The following MOCS1 variants were observed in gnomAD, a reference collection of about 807,000 sequenced individuals.
MOCS1 encodes the protein molybdenum cofactor biosynthesis protein 1.
MOCS1 carries 39 observed loss-of-function variants against 57.6 expected under a neutral mutation model. That is an observed-to-expected ratio of 0.68 (90% CI 0.52 to 0.88). MOCS1 has a LOEUF of 0.88. Among genes scored for constraint, MOCS1 ranks in the 40% least tolerant of loss-of-function variants. The pLI is 0.00. For missense variants in MOCS1, 795 were observed against 831.1 expected (o/e 0.96, Z 0.53); for synonymous variants, 334 against 335.7 (o/e 1.00, Z 0.05).
intron 1 of MOCS1, 106 bp downstream of exon 1, chr6:39,934,189 C>G: frequency 7.1e-7 from 1 of 1,403,308 alleles, no homozygotes; most frequent in African/African-American, 1.5e-5. Flanking sequence ...CGGGTCCCTC[C>G]CAGAAGCGGT....
At position 39,934,295 on chromosome 6, in the gene MOCS1, C is replaced by T; in HGVS notation, c.123G>A (p.Glu41=). 6.5e-7 allele frequency: 1 copy of T among 1,543,834 alleles called. No homozygotes were observed. Among genetic ancestry groups the T allele is most frequent in the Non-Finnish European group, 8.7e-7 (1 of 1,149,984 alleles). ...CPGESARAAS[E]EVSRRRQFLR... ...GTGGACGCAGGCGGGGTGGGCTCAC[C>T]TCCGAGGCAGCTCGCGCGGACTCCC... The change falls in exon 1 of 11, where the codon GAG becomes GAA. Residue 41 remains glutamate, a splice_region_variant and synonymous_variant. Transcript: ENST00000340692.
In MOCS1 at chr6:39,913,988, G is replaced by A. The variant is rs552562807; in HGVS notation, c.584-153C>T. On this transcript the variant is annotated intron_variant, in intron 4 of 10. Coordinates refer to ENST00000340692, the MANE Select transcript of MOCS1 (RefSeq NM_001358530.2). ...ATATCGTAGGCTTTGCAAGCCAAGA[G>A]GCAAAATTGAGGATCCGTGTAAGTA... Among the ~76,000 whole-genome samples the A allele has an allele frequency of 2.0e-5, 3 of 152,330 alleles. No individual in the cohort carries two copies. In the South Asian group the frequency reaches 6.2e-4, roughly 32 times the overall value.
intron 1 of MOCS1, among the ~76,000 whole-genome samples, chr6:39,931,699 C>G (rs777325640): frequency 1.9e-4 from 29 of 152,130 alleles, no homozygotes; most frequent in Non-Finnish European, 4.4e-5. Flanking sequence ...ACTCCTTCTA[C>G]CTTCACCCAC....
chr6:39,916,111 G>C lies in MOCS1; in HGVS notation c.540C>G (p.Asp180Glu). Reference protein sequence around the residue: ...AGLSAINISLDTLVPAKFEFI... With the variant: ...AGLSAINISLETLVPAKFEFI... The stretch of plus-strand genomic sequence containing the variant: ...ACTCAAACTTGGCAGGCACCAGGGT[G>C]TCCAGGCTGATGTTGATGGCACTGA... Residue 180 changes from aspartate (D) to glutamate (E), a missense_variant, in exon 4 of 11, where the codon GAC becomes GAG. Asp to Glu is a conservative substitution (Grantham distance 45). Around this residue, in one of 3 missense-constraint regions of MOCS1, gnomAD observed 416 missense variants for 392.4 expected, o/e 1.06. Coordinates refer to ENST00000340692, the MANE Select transcript of MOCS1 (RefSeq NM_001358530.2). 6.2e-7 allele frequency: 1 copy of C among 1,613,562 alleles called. No homozygotes were observed. The highest frequency in any genetic ancestry group is 1.1e-5 in the South Asian group (1 of 90,944).
intron 3 of MOCS1, among the ~76,000 whole-genome samples, chr6:39,922,134 C>T (rs1222892881): frequency 6.6e-6 from 1 of 152,134 alleles, no homozygotes; most frequent in Non-Finnish European, 1.5e-5. Context: ...TTTCACTGTC[C>T]AACACAGCAG....
intron 3 of MOCS1, among the ~76,000 whole-genome samples, chr6:39,918,986 C>T (rs1767816880): frequency 6.6e-6 from 1 of 152,210 alleles, no homozygotes. Context: ...CATGTAAGAA[C>T]TTAACAATCT....
chr6:39,907,228 G>A (rs1466540308), intron 10 of MOCS1, 111 bp from the exon 11 acceptor site: 14 of 1,155,740 alleles, frequency 1.2e-5, no homozygotes, highest in East Asian at 7.6e-5. Context: ...CTTTCATACC[G>A]GGGAAAGAGG....
In MOCS1 at chr6:39,927,296, C is replaced by G; in HGVS notation, c.250+33G>C. Reference sequence around the variant, plus strand: ...CAAGGGCTGCTTCAGCAGATGGACACCAGCCCAGAGAGGGCCCAGGAAGGT... The same window carrying G: ...CAAGGGCTGCTTCAGCAGATGGACAGCAGCCCAGAGAGGGCCCAGGAAGGT... On this transcript the variant is annotated intron_variant, in intron 2 of 10. Transcript: ENST00000340692. The G allele has an allele frequency of 1.9e-6, 3 of 1,606,288 alleles. No individual in the cohort carries two copies. In the South Asian group the frequency reaches 3.3e-5, roughly 18 times the overall value.
At chr6:39,922,864 G>A (rs1199394835) in intron 3 of MOCS1, among the ~76,000 whole-genome samples, 1 of 152,174 alleles carries the variant, frequency 6.6e-6, no homozygotes, top group Non-Finnish European at 1.5e-5. Context: ...GAGAGGGTAG[G>A]CACAAGTGTT....
intron 1 of MOCS1, among the ~76,000 whole-genome samples, chr6:39,929,502 C>A (rs1050001501): frequency 3.9e-5 from 6 of 152,068 alleles, no homozygotes; most frequent in Non-Finnish European, 7.4e-5. Flanking sequence ...AGATACCCCC[C>A]CTCAACCCAG....
At chr6:39,923,550 A>C (rs75828961) in intron 3 of MOCS1, among the ~76,000 whole-genome samples, 1,845 of 152,354 alleles carry the variant, frequency 0.012, 16 homozygotes, top group East Asian at 0.042. Context: ...CGCGGGTGCC[A>C]GGGAGAGGAA....
intron 6 of MOCS1, 146 bp from the exon 7 acceptor site, chr6:39,913,150 G>T: frequency 3.3e-6 from 3 of 901,546 alleles, no homozygotes; most frequent in Non-Finnish European, 5.6e-6. Flanking sequence ...GCCTAAAACT[G>T]GTGGATTGAA....
chr6:39,933,509 G>C (rs1482155974), intron 1 of MOCS1, among the ~76,000 whole-genome samples: 1 of 151,904 alleles, frequency 6.6e-6, no homozygotes, highest in African/African-American at 2.4e-5. Context: ...CTGGGAGACG[G>C]GGAAAAAAAC....
In MOCS1 at chr6:39,925,760, C is replaced by G; in HGVS notation, c.336G>C (p.Arg112=). 6.2e-7 allele frequency: 1 copy of G among 1,612,816 alleles called. No homozygotes were observed. Among genetic ancestry groups the G allele is most frequent in the African/African-American group, 1.3e-5 (1 of 75,042 alleles). ...LTTEEILTLA[R]LFVKEGIDKI... ...TGTCGATGCCTTCCTTCACAAAGAG[C>G]CGGGCGAGGGTCAGGATCTCCTCTG... The change falls in exon 3 of 11, where the codon CGG becomes CGC. Residue 112 remains arginine (R), a synonymous_variant. Transcript: ENST00000340692.
Position 39,905,016 on chromosome 6 carries a change from A to T in MOCS1, c.*1341T>A, listed in dbSNP as rs1766761624. ...AGCCATTTGACATACTGGTAGCTTG[A>T]AATTATTCAACATGGGAGTATTTAT... is the stretch of plus-strand genomic sequence containing the variant. On this transcript the variant is annotated 3_prime_UTR_variant, in exon 11 of 11. Coordinates refer to ENST00000340692, the MANE Select transcript of MOCS1 (RefSeq NM_001358530.2). The T allele has an allele frequency of 4.4e-6, 2 of 453,732 alleles. No individual in the cohort carries two copies. Among genetic ancestry groups the T allele is most frequent in the South Asian group, 3.1e-5 (2 of 64,464 alleles). The allele number at this position is 453,732 out of a possible 1,614,324, so 28.1% of individuals were successfully genotyped here. A position where few individuals can be genotyped will look rare whatever the true frequency, so the allele number is the denominator to read the frequency against.
intron 1 of MOCS1, among the ~76,000 whole-genome samples, chr6:39,933,257 A>G (rs192133301): frequency 9.2e-4 from 140 of 152,290 alleles, no homozygotes; most frequent in Admixed American, 1.8e-3. Flanking sequence ...GCTGGAGAAG[A>G]AAAGTCCCTT....
At chr6:39,917,208 C>T (rs1266353273) in intron 3 of MOCS1, among the ~76,000 whole-genome samples, 1 of 152,146 alleles carries the variant, frequency 6.6e-6, no homozygotes, top group Non-Finnish European at 1.5e-5. Context: ...AGGGAGGCCT[C>T]AGGAAACTTA....
At chr6:39,925,371 A>G (rs1768216572) in intron 3 of MOCS1, among the ~76,000 whole-genome samples, 1 of 152,088 alleles carries the variant, frequency 6.6e-6, no homozygotes, top group East Asian at 1.9e-4. Context: ...AGAAGCCTGC[A>G]AGGGTTTTGG....
intron 10 of MOCS1, among the ~76,000 whole-genome samples, chr6:39,907,642 G>A (rs1014551299): frequency 1.3e-5 from 2 of 152,196 alleles, no homozygotes; most frequent in Admixed American, 6.5e-5. Flanking sequence ...TGAAGCACAT[G>A]AGAAGCACAT....
Sources: gnomAD v4.1 joint callset for allele counts (sites outside exome capture counted in the v4.1 genomes callset) on GRCh38, gnomAD v4.1.1 for gene constraint, gnomAD v4.1.1 regional missense constraint, MANE v1.5 for transcripts, NCBI Gene and HGNC (gene_info 2026-07-23, HGNC 2026-07-21) for gene names.